The following SYT1 variants were observed in gnomAD, a reference collection of about 807,000 sequenced individuals.
SYT1 encodes the protein synaptotagmin 1.
SYT1 carries 8 observed loss-of-function variants against 44.8 expected under a neutral mutation model. The ratio of observed to expected loss-of-function variants is 0.18; its 90% CI spans 0.10 to 0.32. The LOEUF is 0.32. Among genes scored for constraint, SYT1 ranks in the 10% least tolerant of loss-of-function variants. SYT1 has a pLI of 1.00. For missense variants in SYT1, 286 were observed against 509.3 expected, an observed-to-expected ratio of 0.56 and a Z score of 4.22; for synonymous variants, 154 against 188.8, an observed-to-expected ratio of 0.82 and a Z score of 1.51.
At chr12:79,194,096 A>G (rs1406777345) in intron 3 of SYT1, among the ~76,000 whole-genome samples, 1 of 152,156 alleles carries the variant, frequency 6.6e-6, no homozygotes, top group Non-Finnish European at 1.5e-5. Context: ...TGAGCCTCTG[A>G]GGAAAAAATT....
At chr12:79,079,022 C>G (rs756136939) in intron 3 of SYT1, among the ~76,000 whole-genome samples, 1 of 152,142 alleles carries the variant, frequency 6.6e-6, no homozygotes. Context: ...CCTAAAAATT[C>G]TGTTCTGACA....
chr12:79,364,417 G>A (rs952747508), intron 9 of SYT1, among the ~76,000 whole-genome samples: 4 of 152,084 alleles, frequency 2.6e-5, no homozygotes, highest in African/African-American at 4.8e-5. Context: ...GAACAGATAA[G>A]GCAATGATTC....
chr12:79,175,542 A>G (rs1871805174), intron 3 of SYT1, among the ~76,000 whole-genome samples: 1 of 152,108 alleles, frequency 6.6e-6, no homozygotes, highest in African/African-American at 2.4e-5. Flanking sequence ...ATGTATTTCA[A>G]AGTAACTTCA....
intron 2 of SYT1, among the ~76,000 whole-genome samples, chr12:79,014,500 A>G (rs1302958838): frequency 2.0e-5 from 3 of 152,118 alleles, no homozygotes; most frequent in African/African-American, 7.2e-5. Flanking sequence ...TGCAAATCAA[A>G]ACCACAATGA....
intron 9 of SYT1, among the ~76,000 whole-genome samples, chr12:79,438,000 C>T (rs1414656901): frequency 2.0e-5 from 3 of 152,154 alleles, no homozygotes; most frequent in East Asian, 1.9e-4. Context: ...AGGAGAGTTT[C>T]GCAGGAAGGG....
intron 9 of SYT1, among the ~76,000 whole-genome samples, chr12:79,383,600 G>A (rs1029580118): frequency 6.6e-6 from 1 of 152,000 alleles, no homozygotes; most frequent in Non-Finnish European, 1.5e-5. Context: ...CCATTTTGTT[G>A]TTGTCCCTTG....
At chr12:79,140,599 G>C (rs1230485490) in intron 3 of SYT1, among the ~76,000 whole-genome samples, 1 of 152,178 alleles carries the variant, frequency 6.6e-6, no homozygotes, top group Non-Finnish European at 1.5e-5. Flanking sequence ...GGGTTCTACA[G>C]ATTGCATACA....
intron 1 of SYT1, among the ~76,000 whole-genome samples, chr12:78,900,980 A>G (rs1405579620): frequency 1.3e-5 from 2 of 152,110 alleles, no homozygotes; most frequent in Non-Finnish European, 2.9e-5. Context: ...ACATGAATGC[A>G]TTTTTCAGTT....
chr12:79,353,901 C>G (rs1346117034), intron 9 of SYT1, among the ~76,000 whole-genome samples: 2 of 152,110 alleles, frequency 1.3e-5, no homozygotes, highest in African/African-American at 4.8e-5. Context: ...TGCTTCTTTT[C>G]TGAAAGAGAG....
At chr12:78,958,813 G>A (rs537498275) in intron 1 of SYT1, among the ~76,000 whole-genome samples, 4 of 152,064 alleles carry the variant, frequency 2.6e-5, no homozygotes, top group South Asian at 2.1e-4. Context: ...GATCATTTAC[G>A]CAAACGTGGA....
chr12:78,872,615 CTTCTT>C (rs892938384), intron 1 of SYT1, among the ~76,000 whole-genome samples: 7 of 151,468 alleles, frequency 4.6e-5, no homozygotes, highest in Non-Finnish European at 7.4e-5. Context: ...GCCCTTCTTC[CTTCTT>C]TTCTTCATTC....
At chr12:78,994,276 G>C (rs1284384748) in intron 2 of SYT1, among the ~76,000 whole-genome samples, 1 of 152,042 alleles carries the variant, frequency 6.6e-6, no homozygotes, top group Non-Finnish European at 1.5e-5. Context: ...CATTTCAATT[G>C]CACCAACCAC....
At chr12:79,250,394 C>T (rs17005434) in intron 4 of SYT1, among the ~76,000 whole-genome samples, 5,602 of 152,202 alleles carry the variant, frequency 0.037, 200 homozygotes, top group East Asian at 0.13. Flanking sequence ...TAAGGGCTTT[C>T]CTGGAACACT....
At chr12:79,360,469 C>T (rs943538696) in intron 9 of SYT1, among the ~76,000 whole-genome samples, 1 of 152,046 alleles carries the variant, frequency 6.6e-6, no homozygotes, top group Non-Finnish European at 1.5e-5. Flanking sequence ...GCTGAAAGCA[C>T]AACAAAGAAA....
intron 2 of SYT1, among the ~76,000 whole-genome samples, chr12:78,989,036 G>T (rs1869843668): frequency 6.6e-6 from 1 of 152,064 alleles, no homozygotes; most frequent in Admixed American, 6.6e-5. Context: ...ATTGAATATG[G>T]AAAATAAGAG....
intron 7 of SYT1, among the ~76,000 whole-genome samples, chr12:79,298,013 A>ACAG (rs1240090468): frequency 6.6e-6 from 1 of 152,174 alleles, no homozygotes; most frequent in Non-Finnish European, 1.5e-5. Context: ...AGCCATTATT[A>ACAG]CAGTATTATC....
intron 1 of SYT1, among the ~76,000 whole-genome samples, chr12:78,973,916 CAAAAAAAAAA>C (rs1162433648): frequency 2.8e-3 from 25 of 9,072 alleles, no homozygotes; most frequent in Admixed American, 8.9e-3. Context: ...AGACGAACAC[CAAAAAAAAAA>C]AAAAAAAAAA....
chr12:79,179,103 TATATAGATATAG>T (rs1282266306), intron 3 of SYT1, among the ~76,000 whole-genome samples: 1 of 123,950 alleles, frequency 8.1e-6, no homozygotes, highest in South Asian at 2.4e-4. Flanking sequence ...TAGATATAGA[TATATAGATATAG>T]ATATAGATAT....
chr12:79,077,685 C>T (rs1232341706), intron 3 of SYT1, among the ~76,000 whole-genome samples: 1 of 152,174 alleles, frequency 6.6e-6, no homozygotes, highest in Non-Finnish European at 1.5e-5. Context: ...TAAATTTTGA[C>T]AAGAGCATTA....
Sources: allele counts gnomAD v4.1 joint callset (sites outside exome capture counted in the v4.1 genomes callset), GRCh38; gene constraint gnomAD v4.1.1; transcripts MANE v1.5; gene names NCBI Gene and HGNC (gene_info 2026-07-23, HGNC 2026-07-21).